PTPRT: variants seen among roughly 807,000 people sequenced by gnomAD.
PTPRT encodes receptor-type tyrosine-protein phosphatase T.
PTPRT carries 56 observed loss-of-function variants against 176.8 expected under a neutral mutation model. The ratio of observed to expected loss-of-function variants is 0.32; its 90% CI spans 0.26 to 0.40. PTPRT has a LOEUF of 0.40. Ranked by LOEUF, PTPRT falls within the 10% of genes least tolerant of loss-of-function variation. The pLI is 1.00. For missense variants in PTPRT, 1,540 were observed against 1,908.2 expected (o/e 0.81, Z 3.60); for synonymous variants, 783 against 739.0 (o/e 1.06, Z -0.96).
chr20:42,346,090 G>T (rs2058191199), intron 11 of PTPRT, among the ~76,000 whole-genome samples: 1 of 152,154 alleles, frequency 6.6e-6, no homozygotes, highest in African/African-American at 2.4e-5. Flanking sequence ...GGCGGGTGCA[G>T]GTCCACAGGA....
At chr20:42,666,068 T>C (rs1459391308) in intron 7 of PTPRT, among the ~76,000 whole-genome samples, 1 of 151,874 alleles carries the variant, frequency 6.6e-6, no homozygotes, top group Non-Finnish European at 1.5e-5. Context: ...GTTGTGCACA[T>C]GTACCGTAAA....
intron 8 of PTPRT, among the ~76,000 whole-genome samples, chr20:42,460,587 A>G (rs2145888730): frequency 6.6e-6 from 1 of 152,310 alleles, no homozygotes; most frequent in Middle Eastern, 3.4e-3. Context: ...TAATCTCTAC[A>G]TGTCAAGGGA....
Position 42,281,516 on chromosome 20 carries a change from C to T in PTPRT, c.2176+973G>A, listed in dbSNP as rs952792834. ...TGTAGATTTTTTTCTCTCTTTTTCT[C>T]CCCACTCTGCCCGTGTGTGTGTTTA... On this transcript the variant is annotated intron_variant, in intron 13 of 30. Coordinates refer to ENST00000373187, the MANE Select transcript of PTPRT (RefSeq NM_007050.6). 3.7e-4 allele frequency among the ~76,000 whole-genome samples: 56 copies of T among 152,170 alleles called. 1 individual carries two copies. The highest frequency in any genetic ancestry group is 1.5e-5 in the Non-Finnish European group (1 of 67,994).
intron 7 of PTPRT, among the ~76,000 whole-genome samples, chr20:42,476,876 G>A (rs2071299448): frequency 6.6e-6 from 1 of 152,110 alleles, no homozygotes; most frequent in Non-Finnish European, 1.5e-5. Context: ...CCCATTCTCT[G>A]GGCTCCCATG....
At chr20:42,144,112 A>T (rs992065942) in intron 17 of PTPRT, among the ~76,000 whole-genome samples, 1 of 152,126 alleles carries the variant, frequency 6.6e-6, no homozygotes, top group Non-Finnish European at 1.5e-5. Flanking sequence ...TGTAGAGTGG[A>T]TGTGTGCAGG....
chr20:42,449,554 A>C (rs915097596), intron 8 of PTPRT, among the ~76,000 whole-genome samples: 7 of 152,180 alleles, frequency 4.6e-5, no homozygotes, highest in South Asian at 2.1e-4. Context: ...TTAAGCCATA[A>C]AACACCTCTG....
At chr20:42,735,173 G>A (rs2076520286) in intron 6 of PTPRT, among the ~76,000 whole-genome samples, 1 of 152,176 alleles carries the variant, frequency 6.6e-6, no homozygotes, top group African/African-American at 2.4e-5. Flanking sequence ...GGTTGGATGA[G>A]ACACAGTTTG....
At chr20:42,792,822 G>A (rs1480591738) in intron 2 of PTPRT, among the ~76,000 whole-genome samples, 1 of 152,168 alleles carries the variant, frequency 6.6e-6, no homozygotes, top group Non-Finnish European at 1.5e-5. Context: ...TGGGATTCTA[G>A]AAGGTACCAA....
chr20:42,210,276 C>T lies in PTPRT; in HGVS notation c.2343-10888G>A, dbSNP rs373123774. Among the ~76,000 whole-genome samples, 722 of 152,202 alleles carry T rather than the reference C, an allele frequency of 4.7e-3. 7 individuals carry two copies. Among genetic ancestry groups the T allele is most frequent in the African/African-American group, 0.016 (675 of 41,496 alleles). ...CCTCTCTCACCACTCCTATTCAACACAGTGTTGGAAGTTCTGGCCAGGGCA... is the reference window on the plus strand; with the variant it reads ...CCTCTCTCACCACTCCTATTCAACATAGTGTTGGAAGTTCTGGCCAGGGCA... On this transcript the variant is annotated intron_variant, in intron 15 of 30. Coordinates refer to ENST00000373187, the MANE Select transcript of PTPRT (RefSeq NM_007050.6).
chr20:42,299,021 T>G (rs759418574), intron 12 of PTPRT, among the ~76,000 whole-genome samples: 1 of 152,162 alleles, frequency 6.6e-6, no homozygotes, highest in Non-Finnish European at 1.5e-5. Context: ...CAAGTATCTA[T>G]AGTATGTTAG....
At chr20:43,078,493 C>A (rs1171222951) in intron 1 of PTPRT, among the ~76,000 whole-genome samples, 3 of 152,150 alleles carry the variant, frequency 2.0e-5, no homozygotes, top group Non-Finnish European at 2.9e-5. Flanking sequence ...GTGGTCACTG[C>A]ATTACTTATA....
chr20:42,761,477 C>T (rs570014273), intron 5 of PTPRT, among the ~76,000 whole-genome samples: 16 of 151,566 alleles, frequency 1.1e-4, no homozygotes, highest in Non-Finnish European at 2.1e-4. Context: ...AAATATCTAG[C>T]GCCATCTAAT....
intron 4 of PTPRT, among the ~76,000 whole-genome samples, chr20:42,775,534 C>T (rs1170234679): frequency 6.6e-6 from 1 of 152,168 alleles, no homozygotes; most frequent in African/African-American, 2.4e-5. Flanking sequence ...CAGAGGGTAA[C>T]TAAGGATAGA....
At chr20:42,320,305 G>A (rs1307326584) in intron 11 of PTPRT, among the ~76,000 whole-genome samples, 2 of 152,112 alleles carry the variant, frequency 1.3e-5, no homozygotes, top group Non-Finnish European at 2.9e-5. Flanking sequence ...CTAAGCTAAT[G>A]GTTTAAATGG....
At chr20:43,169,295 C>T (rs911281111) in intron 1 of PTPRT, among the ~76,000 whole-genome samples, 8 of 152,220 alleles carry the variant, frequency 5.3e-5, no homozygotes, top group East Asian at 3.8e-4. Flanking sequence ...AATCGGTTAT[C>T]GTACTGGGAG....
At chr20:42,237,555 A>G (rs1288894370) in intron 14 of PTPRT, among the ~76,000 whole-genome samples, 1 of 152,196 alleles carries the variant, frequency 6.6e-6, no homozygotes, top group Non-Finnish European at 1.5e-5. Context: ...TTGAAGTTTT[A>G]TCTATTTTAT....
intron 11 of PTPRT, among the ~76,000 whole-genome samples, chr20:42,345,676 G>A (rs2058184627): frequency 6.7e-6 from 1 of 150,276 alleles, no homozygotes; most frequent in African/African-American, 2.4e-5. Flanking sequence ...GTAGTACCAA[G>A]CCTTCAGATT....
intron 1 of PTPRT, among the ~76,000 whole-genome samples, chr20:42,935,819 G>C (rs769257824): frequency 3.3e-5 from 5 of 152,192 alleles, no homozygotes; most frequent in South Asian, 2.1e-4. Flanking sequence ...GCGCGATCTT[G>C]GCTCACCACA....
intron 9 of PTPRT, among the ~76,000 whole-genome samples, chr20:42,435,013 A>C (rs2059249762): frequency 1.3e-5 from 2 of 151,956 alleles, no homozygotes. Context: ...AAAAAGAGAA[A>C]ATTTTAAAAA....
Sources: allele counts gnomAD v4.1 joint callset (sites outside exome capture counted in the v4.1 genomes callset), GRCh38; gene constraint gnomAD v4.1.1; transcripts MANE v1.5; gene names NCBI Gene and HGNC (gene_info 2026-07-23, HGNC 2026-07-21).